Variants in GOLGA4 observed in about 807,000 individuals in gnomAD.
GOLGA4 encodes the protein golgin A4.
Under a neutral mutation model 265.9 loss-of-function variants are expected in GOLGA4, and 169 were observed. The observed-to-expected ratio is 0.64, with a 90% CI of 0.56 to 0.72. The LOEUF (loss-of-function observed/expected upper bound fraction) is 0.72, where lower values mean the gene tolerates loss of function less well. GOLGA4 is among the 30% of genes least tolerant of loss of function. The probability of loss-of-function intolerance (pLI) is 0.00; values close to 1 mark genes in which losing one functional copy is unlikely to be tolerated. For synonymous variants in GOLGA4, 923 were observed against 855.8 expected (o/e 1.08, Z -1.37); for missense variants, 2,482 against 2,483.4 (o/e 1.00, Z 0.01).
intron 6 of GOLGA4, 53 bp downstream of exon 6, chr3:37,295,130 G>A (rs2096874765): frequency 9.5e-7 from 1 of 1,054,088 alleles, no homozygotes; most frequent in South Asian, 1.5e-5. Flanking sequence ...AAAAATAGAG[G>A]GGGTTTGATT....
chr3:37,323,217 C>T (rs1337223107), intron 13 of GOLGA4, among the ~76,000 whole-genome samples: 1 of 148,034 alleles, frequency 6.8e-6, no homozygotes, highest in Non-Finnish European at 1.5e-5. Context: ...GCCTCTGCCT[C>T]CTGGGTTCAA....
chr3:37,305,913 G>A (rs1189261955), intron 10 of GOLGA4, among the ~76,000 whole-genome samples: 1 of 152,120 alleles, frequency 6.6e-6, no homozygotes. Flanking sequence ...TACTTTTCTT[G>A]GGAAACAGTC....
In GOLGA4 at chr3:37,340,182, TG is replaced by T; in HGVS notation, c.6459del (p.Thr2154HisfsTer33). The T allele has an allele frequency of 1.4e-6, 2 of 1,391,044 alleles. No homozygotes were observed. The highest frequency in any genetic ancestry group is 1.2e-5 in the South Asian group (1 of 80,112). 86.2% of individuals were successfully genotyped at this position (1,391,044 alleles called of 1,614,324 possible). A position where few individuals can be genotyped will look rare whatever the true frequency, so the allele number is the denominator to read the frequency against. On this transcript the variant is annotated frameshift_variant, in exon 20 of 24. Coordinates refer to ENST00000361924, the MANE Select transcript of GOLGA4 (RefSeq NM_002078.5). LOFTEE classifies it high-confidence loss of function. Reference sequence around the variant, plus strand: ...GAAAAGAATGTATATGCAACAACTGTGGGGACACCTTACAAAGGTAAGGATG... The same window carrying T: ...GAAAAGAATGTATATGCAACAACTGTGGGACACCTTACAAAGGTAAGGATG... Reference protein sequence around the residue: ...KYEKNVYATTVGTPYKGGNLY... With the variant: ...KYEKNVYATTXGTPYKGGNLY...
intron 2 of GOLGA4, among the ~76,000 whole-genome samples, chr3:37,251,858 AT>A (rs1262449058): frequency 6.6e-6 from 1 of 151,862 alleles, no homozygotes; most frequent in African/African-American, 2.4e-5. Context: ...TAACGTTTAA[AT>A]TTTTCGTAGA....
At chr3:37,265,900 G>A (rs1260082513) in intron 2 of GOLGA4, among the ~76,000 whole-genome samples, 1 of 151,670 alleles carries the variant, frequency 6.6e-6, no homozygotes, top group African/African-American at 2.4e-5. Flanking sequence ...AGTGATGTGC[G>A]CCTGTAGTCC....
chr3:37,331,780 G>A (rs1292168894), intron 16 of GOLGA4, among the ~76,000 whole-genome samples: 1 of 152,000 alleles, frequency 6.6e-6, no homozygotes, highest in East Asian at 1.9e-4. Flanking sequence ...TGAAGAAGCT[G>A]GAAACTTTTG....
At chr3:37,362,009 C>T (rs1696313142) in intron 23 of GOLGA4, among the ~76,000 whole-genome samples, 1 of 152,084 alleles carries the variant, frequency 6.6e-6, no homozygotes, top group Admixed American at 6.5e-5. Context: ...GATTTAGCAC[C>T]CTCTGAAAAT....
chr3:37,300,957 A>T (rs1340792557), intron 9 of GOLGA4, among the ~76,000 whole-genome samples: 1 of 151,766 alleles, frequency 6.6e-6, no homozygotes, highest in African/African-American at 2.4e-5. Flanking sequence ...TTCTCTTTCC[A>T]CTATATTTTG....
chr3:37,275,631 G>T, intron 2 of GOLGA4: 1 of 1,588,518 alleles, frequency 6.3e-7, no homozygotes, highest in Non-Finnish European at 8.6e-7. Flanking sequence ...TGTGTCTTCC[G>T]CTCCAGCTTC....
intron 7 of GOLGA4, among the ~76,000 whole-genome samples, chr3:37,297,614 GCTT>G (rs1485377777): frequency 6.6e-6 from 1 of 152,204 alleles, no homozygotes; most frequent in African/African-American, 2.4e-5. Flanking sequence ...TTACTACTAA[GCTT>G]CTTCAGATAA....
intron 5 of GOLGA4, among the ~76,000 whole-genome samples, chr3:37,292,289 T>G (rs1431122125): frequency 6.6e-6 from 1 of 152,018 alleles, no homozygotes; most frequent in Non-Finnish European, 1.5e-5. Context: ...CTTCCAGAAG[T>G]GGGGGAGAAG....
intron 15 of GOLGA4, among the ~76,000 whole-genome samples, 171 bp from the exon 16 acceptor site, chr3:37,328,792 G>T (rs2096980705): frequency 6.6e-6 from 1 of 152,088 alleles, no homozygotes; most frequent in Non-Finnish European, 1.5e-5. Flanking sequence ...TCAGGGAGAG[G>T]ATACATTTGA....
chr3:37,314,595 C>T (rs889681503), intron 10 of GOLGA4, among the ~76,000 whole-genome samples: 11 of 151,014 alleles, frequency 7.3e-5, no homozygotes, highest in African/African-American at 2.4e-4. Context: ...GAGCTGAGAT[C>T]GCACCACTGC....
At position 37,315,546 on chromosome 3, in the gene GOLGA4, G is replaced by A. The variant is rs771068056; in HGVS notation, c.1361G>A (p.Ser454Asn). The A allele has an allele frequency of 6.2e-7, 1 of 1,613,952 alleles. No homozygotes were observed. Among genetic ancestry groups the A allele is most frequent in the Non-Finnish European group, 8.5e-7 (1 of 1,179,836 alleles). Residue 454 changes from serine to asparagine, a missense_variant, in exon 11 of 24, where the codon AGT becomes AAT. Physicochemically the swap from Ser to Asn is conservative, Grantham distance 46. Transcript: ENST00000361924. ...IEKTSEEERI[S>N]LQQELSRVKQ... ...AAAACAAGTGAGGAGGAACGCATCAGTCTTCAACAGGAATTAAGTCGGGTG... is the reference window on the plus strand; with the variant it reads ...AAAACAAGTGAGGAGGAACGCATCAATCTTCAACAGGAATTAAGTCGGGTG...
intron 22 of GOLGA4, among the ~76,000 whole-genome samples, chr3:37,355,903 AC>A (rs2097089707): frequency 6.6e-6 from 1 of 151,802 alleles, no homozygotes; most frequent in Admixed American, 6.6e-5. Flanking sequence ...CTCCGTGAAT[AC>A]CCTTCTCCTC....
intron 22 of GOLGA4, among the ~76,000 whole-genome samples, chr3:37,359,288 C>T (rs2097098408): frequency 1.3e-5 from 2 of 151,902 alleles, no homozygotes; most frequent in Admixed American, 6.6e-5. Context: ...AATAAAACTG[C>T]CCTAGAAGTA....
chr3:37,298,179 A>G (rs538773989), intron 7 of GOLGA4, among the ~76,000 whole-genome samples: 1 of 152,288 alleles, frequency 6.6e-6, no homozygotes, highest in South Asian at 2.1e-4. Context: ...AGAAAGAGTA[A>G]TTCACGCAGA....
intron 2 of GOLGA4, among the ~76,000 whole-genome samples, chr3:37,262,649 T>C (rs1460258965): frequency 1.3e-5 from 2 of 152,090 alleles, no homozygotes; most frequent in East Asian, 3.9e-4. Context: ...ATGCCTGTAA[T>C]CCCAGCAGTT....
Position 37,324,656 on chromosome 3 carries a change from A to C in GOLGA4, c.2770A>C (p.Ile924Leu), listed in dbSNP as rs893938150. Residue 924 changes from isoleucine to leucine, a missense_variant, in exon 14 of 24, where the codon ATT (isoleucine) becomes CTT (leucine). Coordinates refer to ENST00000361924, the MANE Select transcript of GOLGA4 (RefSeq NM_002078.5). The part of the protein sequence containing the change: ...LQMREGQKKE[I>L]EILTQKLSAK... ...AATGAGAGAAGGACAGAAGAAAGAAATTGAGATACTCACACAGAAATTGTC... is the reference window on the plus strand; with the variant it reads ...AATGAGAGAAGGACAGAAGAAAGAACTTGAGATACTCACACAGAAATTGTC... 6.2e-7 allele frequency: 1 copy of C among 1,612,988 alleles called. No homozygotes were observed.
Sources: allele counts gnomAD v4.1 joint callset (sites outside exome capture counted in the v4.1 genomes callset), GRCh38; gene constraint gnomAD v4.1.1; transcripts MANE v1.5; gene names NCBI Gene and HGNC (gene_info 2026-07-23, HGNC 2026-07-21).